The following HSPH1 variants were observed in gnomAD, a reference collection of about 807,000 sequenced individuals.
HSPH1 encodes heat shock protein family H (Hsp110) member 1, also known as heat shock protein 105 kDa.
In HSPH1, 40 loss-of-function variants were observed where a neutral mutation model predicts 100.0. That is an observed-to-expected ratio of 0.40 (90% CI 0.31 to 0.52). The LOEUF is 0.52. Among genes scored for constraint, HSPH1 ranks in the 20% least tolerant of loss-of-function variants. The pLI, the probability that HSPH1 is intolerant of heterozygous loss-of-function variation, is 0.54. For missense variants in HSPH1, 876 were observed against 1,015.1 expected (o/e 0.86, Z 1.86); for synonymous variants, 403 against 344.0 (o/e 1.17, Z -1.90).
At chr13:31,150,248 C>T in intron 7 of HSPH1, 66 bp from the exon 8 acceptor site, 1 of 1,121,884 alleles carries the variant, frequency 8.9e-7, no homozygotes, top group Non-Finnish European at 1.3e-6. Flanking sequence ...TTTGACAACC[C>T]AATGAATTTC....
In HSPH1 at chr13:31,148,075, C is replaced by T; in HGVS notation, c.1262G>A (p.Ser421Asn). ...GGAGAAAGGAGCAGCATGGTTTCGA[C>T]TAAAGACTTCATGAACACTAGAGAG... ...EDTEGVHEVF[S>N]RNHAAPFSKV... The change falls in exon 10 of 18, where the codon AGT (serine) becomes AAT (asparagine). Residue 421 changes from serine (S) to asparagine (N), a missense_variant. Transcript: ENST00000320027. The T allele has an allele frequency of 1.2e-6, 2 of 1,606,622 alleles. No individual in the cohort carries two copies. Among genetic ancestry groups the T allele is most frequent in the Non-Finnish European group, 1.7e-6 (2 of 1,177,916 alleles).
rs1956423501 is a variant in HSPH1 at position 31,149,984 on chromosome 13, A to C, written c.1107T>G (p.Asp369Glu). The C allele has an allele frequency of 1.2e-6, 2 of 1,613,804 alleles. No individual in the cohort carries two copies. The highest frequency in any genetic ancestry group is 1.7e-6 in the Non-Finnish European group (2 of 1,179,746). Residue 369 changes from aspartate (D) to glutamate (E), a missense_variant, in exon 8 of 18, where the codon GAT becomes GAG. Physicochemically the swap from Asp to Glu is conservative, Grantham distance 45. Transcript: ENST00000320027. ...GKDISTTLNA[D>E]EAVARGCALQ... ...ATGCACATCCTCTGGCTACTGCTTC[A>C]TCTGCATTGAGTGTTGTGCTAATAT...
chr13:31,155,893 T>C lies in HSPH1; in HGVS notation c.166-239A>G, dbSNP rs938197936. The stretch of plus-strand genomic sequence containing the variant: ...CAGCAAGAGGGAACAAGAGGCAAAA[T>C]AGTGTGACGACAGACTTTAAAGATT... On this transcript the variant is annotated intron_variant, in intron 2 of 17. Coordinates refer to ENST00000320027, the MANE Select transcript of HSPH1 (RefSeq NM_006644.4). 3.9e-5 allele frequency among the ~76,000 whole-genome samples: 6 copies of C among 152,228 alleles called. No homozygotes were observed. In the East Asian group the frequency reaches 5.8e-4, roughly 15 times the overall value.
At chr13:31,159,518 C>G (rs150903913) in intron 1 of HSPH1, among the ~76,000 whole-genome samples, 14 of 152,296 alleles carry the variant, frequency 9.2e-5, no homozygotes, top group African/African-American at 3.4e-4. Flanking sequence ...AAGTGACTTA[C>G]AACTGTGAAA....
In HSPH1 at chr13:31,155,362, C is replaced by T. The variant is rs966444246; in HGVS notation, c.306+152G>A. 10 of 487,958 alleles carry T rather than the reference C, an allele frequency of 2.0e-5. No homozygotes were observed. The South Asian group carries it at 3.3e-4, about 16-fold the overall frequency. 30.2% of individuals were successfully genotyped at this position (487,958 alleles called of 1,614,324 possible). A position where few individuals can be genotyped will look rare whatever the true frequency, so the allele number is the denominator to read the frequency against. ...TGAATAATATTCAAAGACAATTTAG[C>T]GTCTATCTACTATACTTTAAAAGGA... On this transcript the variant is annotated intron_variant, in intron 3 of 17. Transcript: ENST00000320027.
chr13:31,138,704 T>C (rs1955973990), intron 16 of HSPH1, 77 bp downstream of exon 16: 1 of 1,547,278 alleles, frequency 6.5e-7, no homozygotes, highest in Admixed American at 2.1e-5. Context: ...AGACTATTCA[T>C]GATGATTCCC....
rs1022129839 is a variant in HSPH1, at chr13:31,137,263, C to T, written c.*55G>A. 4 of 1,082,842 alleles carry T rather than the reference C, an allele frequency of 3.7e-6. No homozygotes were observed. The East Asian group carries it at 7.1e-5, about 19-fold the overall frequency. 67.1% of individuals were successfully genotyped at this position (1,082,842 alleles called of 1,614,324 possible). On this transcript the variant is annotated 3_prime_UTR_variant, in exon 18 of 18. Coordinates refer to ENST00000320027, the MANE Select transcript of HSPH1 (RefSeq NM_006644.4). ...AGTTTCAGTATGTTATGTAGAGTCA[C>T]ATACTATGGCAAAAATATTTTATTA...
chr13:31,158,315 C>T (rs965876994), intron 2 of HSPH1, among the ~76,000 whole-genome samples: 1 of 152,100 alleles, frequency 6.6e-6, no homozygotes, highest in African/African-American at 2.4e-5. Flanking sequence ...CTTTGGGAGG[C>T]TGAGACAGAT....
intron 15 of HSPH1, 31 bp downstream of exon 15, chr13:31,138,969 G>A (rs373319105): frequency 2.5e-6 from 4 of 1,586,086 alleles, no homozygotes; most frequent in South Asian, 2.2e-5. Flanking sequence ...TAAAACACAA[G>A]TACCACCTTT....
intron 1 of HSPH1, among the ~76,000 whole-genome samples, chr13:31,160,930 T>C (rs760715564): frequency 1.3e-5 from 2 of 152,220 alleles, no homozygotes; most frequent in Non-Finnish European, 2.9e-5. Flanking sequence ...GCCTGCTCAC[T>C]GGACAAGCAG....
intron 10 of HSPH1, 133 bp downstream of exon 10, chr13:31,147,826 C>T (rs559952881): frequency 2.7e-6 from 2 of 745,994 alleles, no homozygotes; most frequent in East Asian, 5.6e-5. Context: ...TTATTCTAAA[C>T]AGAAAATGTC....
intron 16 of HSPH1, 82 bp from the exon 17 acceptor site, chr13:31,138,650 G>A (rs1955972044): frequency 2.0e-6 from 3 of 1,516,806 alleles, no homozygotes; most frequent in African/African-American, 1.4e-5. Context: ...GGAAGCTCAA[G>A]TTCAAATCTA....
At position 31,157,875 on chromosome 13, in the gene HSPH1, G is replaced by T. The variant is rs181423552; in HGVS notation, c.165+931C>A. On this transcript the variant is annotated intron_variant, in intron 2 of 17. Coordinates refer to ENST00000320027, the MANE Select transcript of HSPH1 (RefSeq NM_006644.4). ...ATTAACTTAGGCCAATATATTTTAG[G>T]AACTATCACTTCAATAAGTAGTCAA... is the stretch of plus-strand genomic sequence containing the variant. Among the ~76,000 whole-genome samples, 7 of 152,152 alleles carry T rather than the reference G, an allele frequency of 4.6e-5. No individual in the cohort carries two copies. In the East Asian group the frequency reaches 1.3e-3, roughly 29 times the overall value.
Position 31,135,499 on chromosome 13 carries a change from T to G in HSPH1, c.*1819A>C, listed in dbSNP as rs942089099. On this transcript the variant is annotated 3_prime_UTR_variant, in exon 18 of 18. Coordinates refer to ENST00000320027, the MANE Select transcript of HSPH1 (RefSeq NM_006644.4). ...CTAGAAATTATAAAGTAGGGAAATG[T>G]TGAATAGCTGACATAAAGATTCTTA... 2 of 152,262 alleles carry G rather than the reference T, an allele frequency of 1.3e-5. No individual in the cohort carries two copies. The highest frequency in any genetic ancestry group is 4.8e-5 in the African/African-American group (2 of 41,468). The allele number at this position is 152,262 out of a possible 1,614,324, so 9.4% of individuals were successfully genotyped here.
At position 31,155,565 on chromosome 13, in the gene HSPH1, T is replaced by C. The variant is rs1281123090; in HGVS notation, c.255A>G (p.Glu85=). 6.2e-7 allele frequency: 1 copy of C among 1,612,424 alleles called. No individual in the cohort carries two copies. The highest frequency in any genetic ancestry group is 8.5e-7 in the Non-Finnish European group (1 of 1,178,962). Residue 85 remains glutamate (E), a synonymous_variant, in exon 3 of 18, where the codon GAA becomes GAG. Coordinates refer to ENST00000320027, the MANE Select transcript of HSPH1 (RefSeq NM_006644.4). ...ATGGAACCAAATCGTAACTCAAGTT[T>C]TCCTTCTCCTTTTGAATGAAGGGGT... ...FNDPFIQKEK[E]NLSYDLVPLK... is the part of the protein sequence containing the mutation.
rs1379137666 is a variant in HSPH1 at position 31,154,398 on chromosome 13, GT to G, written c.429+234del. ...TCACAAATGGAACCAGTCAAAATCTGTATTTTCAAAAAGTCTCACAAGAGAT... is the reference window on the plus strand; with the variant it reads ...TCACAAATGGAACCAGTCAAAATCTGATTTTCAAAAAGTCTCACAAGAGAT... On this transcript the variant is annotated intron_variant, in intron 4 of 17. Transcript: ENST00000320027. 1.3e-5 allele frequency: 7 copies of G among 559,092 alleles called. No homozygotes were observed. The African/African-American group carries it at 1.3e-4, about 11-fold the overall frequency. The allele number at this position is 559,092 out of a possible 1,614,324, so 34.6% of individuals were successfully genotyped here. A position where few individuals can be genotyped will look rare whatever the true frequency, so the allele number is the denominator to read the frequency against.
upstream of HSPH1, chr13:31,162,380 G>A (rs769836238): frequency 7.7e-6 from 4 of 519,328 alleles, no homozygotes; most frequent in South Asian, 2.2e-5. Flanking sequence ...GTCCCGCTGG[G>A]AGAAGTGTGC....
At chr13:31,138,343 T>C in intron 17 of HSPH1, 64 bp downstream of exon 17, 1 of 1,488,340 alleles carries the variant, frequency 6.7e-7, no homozygotes, top group South Asian at 1.2e-5. Flanking sequence ...TGTTGAAGGT[T>C]CAAATGATTG....
At chr13:31,154,382 G>C (rs558096229) in intron 4 of HSPH1, 2 of 526,916 alleles carry the variant, frequency 3.8e-6, no homozygotes, top group East Asian at 3.5e-5. Flanking sequence ...CTCACAAATG[G>C]AACCAGTCAA....
Sources: allele counts gnomAD v4.1 joint callset (sites outside exome capture counted in the v4.1 genomes callset), GRCh38; gene constraint gnomAD v4.1.1; transcripts MANE v1.5; gene names NCBI Gene and HGNC (gene_info 2026-07-23, HGNC 2026-07-21).